The following HCLS1 variants were observed in gnomAD, a reference collection of about 807,000 sequenced individuals.
HCLS1 encodes the protein hematopoietic lineage cell-specific protein.
HCLS1 carries 44 observed loss-of-function variants against 68.6 expected under a neutral mutation model. The observed-to-expected ratio is 0.64, with a 90% CI of 0.50 to 0.82. The LOEUF is 0.82. Ranked by LOEUF, HCLS1 falls within the 40% of genes least tolerant of loss-of-function variation. The probability of loss-of-function intolerance (pLI) is 0.00; values close to 1 mark genes in which losing one functional copy is unlikely to be tolerated. For missense variants in HCLS1, 602 were observed against 612.1 expected (o/e 0.98, Z 0.17); for synonymous variants, 217 against 225.8 (o/e 0.96, Z 0.35).
chr3:121,651,776 C>T (rs982487121), intron 3 of HCLS1, among the ~76,000 whole-genome samples: 3 of 152,162 alleles, frequency 2.0e-5, no homozygotes, highest in East Asian at 1.9e-4. Flanking sequence ...CATCTGAAAC[C>T]CACACATTAC....
intron 2 of HCLS1, among the ~76,000 whole-genome samples, chr3:121,657,557 T>C (rs1194452044): frequency 6.6e-6 from 1 of 152,220 alleles, no homozygotes; most frequent in Admixed American, 6.5e-5. Flanking sequence ...GGCTTATGCC[T>C]GTAATCCTAG....
chr3:121,637,127 C>T lies in HCLS1; in HGVS notation c.565+19G>A. The T allele has an allele frequency of 6.5e-7, 1 of 1,539,542 alleles. No homozygotes were observed. Among genetic ancestry groups the T allele is most frequent in the East Asian group, 2.2e-5 (1 of 44,524 alleles). The stretch of plus-strand genomic sequence containing the variant: ...TCCCTGTGCTATCTGTGACCTTCCC[C>T]CTTCCAACCCCAACTCACCTCTCTG... On this transcript the variant is annotated intron_variant, in intron 7 of 13. Coordinates refer to ENST00000314583, the MANE Select transcript of HCLS1 (RefSeq NM_005335.6).
rs139861864 is a variant in HCLS1 at position 121,637,225 on chromosome 3, C to A, written c.486G>T (p.Gly162=). 7 of 1,613,468 alleles carry A rather than the reference C, an allele frequency of 4.3e-6. No homozygotes were observed. In the South Asian group the frequency reaches 6.6e-5, roughly 15 times the overall value. ...DYSRGFGGRY[G]VEKDKWDKAA... is the part of the protein sequence containing the mutation. ...CTTTGTCCCATTTATCCTTCTCCAC[C>A]CCGTACCGGCCACCAAAGCCACGAG... The change falls in exon 7 of 14, where the codon GGG becomes GGT. Residue 162 remains glycine, a synonymous_variant. Transcript: ENST00000314583.
intron 7 of HCLS1, 28 bp downstream of exon 7, chr3:121,637,118 G>A: frequency 1.4e-6 from 2 of 1,462,396 alleles, no homozygotes; most frequent in Non-Finnish European, 1.9e-6. Context: ...TGCTATCTGT[G>A]ACCTTCCCCC....
intron 7 of HCLS1, 72 bp downstream of exon 7, chr3:121,637,074 G>A: frequency 4.5e-6 from 5 of 1,099,960 alleles, no homozygotes; most frequent in Admixed American, 1.7e-5. Context: ...GGGCACCCGG[G>A]TGAGCTTCCA....
chr3:121,642,532 C>A (rs1004119466), intron 6 of HCLS1, among the ~76,000 whole-genome samples: 1 of 151,862 alleles, frequency 6.6e-6, no homozygotes, highest in African/African-American at 2.4e-5. Context: ...AATCCCAGCA[C>A]TTTGAGAGGG....
chr3:121,646,447 T>C (rs1937607154), intron 4 of HCLS1, among the ~76,000 whole-genome samples: 1 of 102,484 alleles, frequency 9.8e-6, no homozygotes, highest in South Asian at 3.1e-4. Context: ...ATAATGTAGA[T>C]TATATATTAT....
chr3:121,633,229 T>G lies in HCLS1; in HGVS notation c.904-58A>C, dbSNP rs2049117868. 4 of 1,160,638 alleles carry G rather than the reference T, an allele frequency of 3.4e-6. No individual in the cohort carries two copies. The South Asian group carries it at 5.5e-5, about 16-fold the overall frequency. 71.9% of individuals were successfully genotyped at this position (1,160,638 alleles called of 1,614,324 possible). On this transcript the variant is annotated intron_variant, in intron 10 of 13. Transcript: ENST00000314583. ...AGCCTCCATCTTCACTCCTTTTTTT[T>G]TTTTGAGATAGACTCTCGCTCTGTA...
At position 121,635,737 on chromosome 3, in the gene HCLS1, G is replaced by T. The variant is rs777497001; in HGVS notation, c.689C>A (p.Ala230Asp). 6.2e-7 allele frequency: 1 copy of T among 1,613,228 alleles called. No individual in the cohort carries two copies. The highest frequency in any genetic ancestry group is 8.5e-7 in the Non-Finnish European group (1 of 1,179,164). The part of the protein sequence containing the change: ...TAYKKTTPIE[A>D]ASSGTRGLKA... The stretch of plus-strand genomic sequence containing the variant: ...GAGAGTGAATCACTAAGCCTCACCG[G>T]CTTCTATGGGCGTCGTCTTCTTATA... Residue 230 changes from alanine to aspartate, a missense_variant and splice_region_variant, in exon 9 of 14, where the codon GCC becomes GAC. Transcript: ENST00000314583.
rs1445389293 is a variant in HCLS1 at position 121,632,087 on chromosome 3, C to T, written c.1324+14G>A. 3 of 1,613,872 alleles carry T rather than the reference C, an allele frequency of 1.9e-6. No homozygotes were observed. Among genetic ancestry groups the T allele is most frequent in the South Asian group, 2.2e-5 (2 of 91,062 alleles). On this transcript the variant is annotated intron_variant, in intron 13 of 13. Transcript: ENST00000314583. Reference sequence around the variant, plus strand: ...CCTCCATGTACCAGGCTCCTCGGGCCACTCCCAACCTACCTCCTTGGTAAT... The same window carrying T: ...CCTCCATGTACCAGGCTCCTCGGGCTACTCCCAACCTACCTCCTTGGTAAT...
At chr3:121,652,823 T>G (rs1331442110) in intron 3 of HCLS1, among the ~76,000 whole-genome samples, 1 of 152,176 alleles carries the variant, frequency 6.6e-6, no homozygotes, top group Non-Finnish European at 1.5e-5. Flanking sequence ...CAAGCAGCCT[T>G]AGGGAATTGG....
chr3:121,658,712 C>G (rs1056811356), intron 1 of HCLS1, among the ~76,000 whole-genome samples: 7 of 152,234 alleles, frequency 4.6e-5, no homozygotes, highest in Non-Finnish European at 1.0e-4. Context: ...ATGAGCGGTG[C>G]TATAATATCC....
intron 3 of HCLS1, among the ~76,000 whole-genome samples, chr3:121,649,034 G>A (rs563665597): frequency 6.6e-6 from 1 of 152,224 alleles, no homozygotes; most frequent in South Asian, 2.1e-4. Context: ...TATAATAATT[G>A]TTAAATGGGT....
In HCLS1 at chr3:121,631,456, T is replaced by G; in HGVS notation, c.*390A>C. 1 of 94,742 alleles carries G rather than the reference T, an allele frequency of 1.1e-5. No individual in the cohort carries two copies. Among genetic ancestry groups the G allele is most frequent in the Non-Finnish European group, 2.5e-5 (1 of 40,550 alleles). 5.9% of individuals were successfully genotyped at this position (94,742 alleles called of 1,614,324 possible). A position where few individuals can be genotyped will look rare whatever the true frequency, so the allele number is the denominator to read the frequency against. ...ATTTTAGGACTGAACAGAAAGAAGG[T>G]TCAGATATTTCTTCAGGGAAGGAAA... is the stretch of plus-strand genomic sequence containing the variant. On this transcript the variant is annotated 3_prime_UTR_variant, in exon 14 of 14. Transcript: ENST00000314583.
At position 121,652,646 on chromosome 3, in the gene HCLS1, C is replaced by T. The variant is rs934818524; in HGVS notation, c.158+4633G>A. 5.9e-5 allele frequency among the ~76,000 whole-genome samples: 9 copies of T among 152,044 alleles called. No homozygotes were observed. In the East Asian group the frequency reaches 9.7e-4, roughly 16 times the overall value. On this transcript the variant is annotated intron_variant, in intron 3 of 13. Coordinates refer to ENST00000314583, the MANE Select transcript of HCLS1 (RefSeq NM_005335.6). ...CTGCACTCCAGCCTGGATGACAGAG[C>T]GAAACTCCGTCTCAAAAAAAACAAA... is the stretch of plus-strand genomic sequence containing the variant.
At chr3:121,642,774 T>C (rs972516409) in intron 6 of HCLS1, among the ~76,000 whole-genome samples, 153 bp downstream of exon 6, 4 of 152,102 alleles carry the variant, frequency 2.6e-5, no homozygotes, top group Admixed American at 1.3e-4. Context: ...AGACCCTGTC[T>C]CAAAAACAAA....
chr3:121,645,276 G>T (rs1204971331), intron 4 of HCLS1, among the ~76,000 whole-genome samples: 8 of 152,234 alleles, frequency 5.3e-5, no homozygotes, highest in Non-Finnish European at 7.3e-5. Context: ...GTGTAGTGTG[G>T]GGTAGTGTGG....
At chr3:121,640,357 T>G (rs1426538602) in intron 6 of HCLS1, among the ~76,000 whole-genome samples, 1 of 152,064 alleles carries the variant, frequency 6.6e-6, no homozygotes, top group Non-Finnish European at 1.5e-5. Context: ...GCACATGAAA[T>G]TCTCATAAAA....
Position 121,657,277 on chromosome 3 carries a change from AC to A in HCLS1, c.158+1del. 1.2e-6 allele frequency: 2 copies of A among 1,612,770 alleles called. No homozygotes were observed. Among genetic ancestry groups the A allele is most frequent in the Non-Finnish European group, 1.7e-6 (2 of 1,179,160 alleles). Reference sequence around the variant, plus strand: ...CTTTTCTCCAGTCCTTTCGGCACCTACTTGATGTGTTCTGTGCGTCCAGACC... The same window carrying A: ...CTTTTCTCCAGTCCTTTCGGCACCTATTGATGTGTTCTGTGCGTCCAGACC... On this transcript the variant is annotated splice_donor_variant, in intron 3 of 13. Transcript: ENST00000314583. LOFTEE classifies it high-confidence loss of function.
Sources: allele counts gnomAD v4.1 joint callset (sites outside exome capture counted in the v4.1 genomes callset), GRCh38; gene constraint gnomAD v4.1.1; transcripts MANE v1.5; gene names NCBI Gene and HGNC (gene_info 2026-07-23, HGNC 2026-07-21).